Variants in GAS7 observed in about 807,000 individuals in gnomAD.
The protein encoded by GAS7 is growth arrest specific 7.
A neutral mutation model predicts 71.1 loss-of-function variants in GAS7; 28 were observed. The ratio of observed to expected loss-of-function variants is 0.39; its 90% CI spans 0.29 to 0.54. The LOEUF is 0.54. Ranked by LOEUF, GAS7 falls within the 20% of genes least tolerant of loss-of-function variation. The probability of loss-of-function intolerance (pLI) is 0.62; values close to 1 mark genes in which losing one functional copy is unlikely to be tolerated. For missense variants in GAS7, 436 were observed against 627.8 expected, an observed-to-expected ratio of 0.69 and a Z score of 3.27; for synonymous variants, 258 against 245.8, an observed-to-expected ratio of 1.05 and a Z score of -0.46.
intron 3 of GAS7, among the ~76,000 whole-genome samples, chr17:9,977,118 A>C (rs1215400530): frequency 6.6e-6 from 1 of 152,240 alleles, no homozygotes; most frequent in Non-Finnish European, 1.5e-5. Flanking sequence ...GTCAACCGGG[A>C]GAACTGAGTA....
At chr17:10,065,953 A>G (rs1039382849) in intron 1 of GAS7, among the ~76,000 whole-genome samples, 3 of 152,206 alleles carry the variant, frequency 2.0e-5, no homozygotes, top group African/African-American at 7.2e-5. Context: ...AGGGAGGTTC[A>G]GCAGGATTGG....
chr17:9,983,629 A>G (rs1172152372), intron 2 of GAS7, among the ~76,000 whole-genome samples: 1 of 152,052 alleles, frequency 6.6e-6, no homozygotes, highest in Non-Finnish European at 1.5e-5. Flanking sequence ...TCCACTAAAA[A>G]TAACAAAAAT....
At chr17:9,929,701 T>C (rs921066925) in intron 9 of GAS7, among the ~76,000 whole-genome samples, 170 of 152,148 alleles carry the variant, frequency 1.1e-3, no homozygotes, top group African/African-American at 3.9e-3. Flanking sequence ...ATGGTCTTGA[T>C]CTCCTGACCT....
chr17:10,196,763 C>A (rs1398488893), intron 1 of GAS7, among the ~76,000 whole-genome samples: 1 of 152,174 alleles, frequency 6.6e-6, no homozygotes, highest in Non-Finnish European at 1.5e-5. Context: ...TCCCAAAATA[C>A]GTATCTATCC....
At chr17:10,005,093 G>GCATA (rs566124717) in intron 2 of GAS7, among the ~76,000 whole-genome samples, 1 of 151,026 alleles carries the variant, frequency 6.6e-6, no homozygotes, top group Non-Finnish European at 1.5e-5. Flanking sequence ...GTGTGTGCAC[G>GCATA]CATACATGCA....
intron 2 of GAS7, among the ~76,000 whole-genome samples, chr17:9,984,174 C>T (rs777589258): frequency 1.3e-5 from 2 of 152,158 alleles, no homozygotes; most frequent in Non-Finnish European, 2.9e-5. Flanking sequence ...AAACTGGGTT[C>T]TTGACTCAAC....
intron 1 of GAS7, among the ~76,000 whole-genome samples, chr17:10,029,212 C>T (rs562585750): frequency 4.6e-5 from 7 of 152,334 alleles, no homozygotes; most frequent in South Asian, 2.1e-4. Context: ...AAGACATCTC[C>T]GGTGCATGAT....
rs112841978 is a variant in GAS7 at position 10,127,699 on chromosome 17, G to T, written c.183+70509C>A. ...CTCTGATGGAAAGCAGGGGCAGAAG[G>T]CCCCCTCCAAGGTGTGAACCGACCC... On this transcript the variant is annotated intron_variant, in intron 1 of 13. Transcript: ENST00000432992. Among the ~76,000 whole-genome samples, 10 of 152,288 alleles carry T rather than the reference G, an allele frequency of 6.6e-5. 1 individual carries two copies. Among genetic ancestry groups the T allele is most frequent in the African/African-American group, 2.2e-4 (9 of 41,564 alleles).
In GAS7 at chr17:9,982,862, A is replaced by C. The variant is rs550708902; in HGVS notation, c.305-978T>G. Among the ~76,000 whole-genome samples the C allele has an allele frequency of 8.8e-4, 126 of 143,706 alleles. 1 individual carries two copies. The highest frequency in any genetic ancestry group is 4.0e-3 in the Admixed American group (58 of 14,596). The allele number at this position is 143,706 out of a possible 152,430, so 94.3% of individuals were successfully genotyped here. A position where few individuals can be genotyped will look rare whatever the true frequency, so the allele number is the denominator to read the frequency against. On this transcript the variant is annotated intron_variant, in intron 2 of 13. Coordinates refer to ENST00000432992, the MANE Select transcript of GAS7 (RefSeq NM_201433.2). ...GAAAGAAAGAAAGAAAGAAAGAAAG[A>C]AAGAAAGCAAAGAAAGCAAAGAAAG...
At chr17:10,032,700 G>A (rs1480028413) in intron 1 of GAS7, among the ~76,000 whole-genome samples, 1 of 152,196 alleles carries the variant, frequency 6.6e-6, no homozygotes, top group Non-Finnish European at 1.5e-5. Flanking sequence ...GACGACAGAG[G>A]CCTGACAAGA....
At chr17:10,021,424 C>CGA (rs1411843023) in intron 1 of GAS7, among the ~76,000 whole-genome samples, 1 of 152,346 alleles carries the variant, frequency 6.6e-6, no homozygotes, top group Admixed American at 6.5e-5. Flanking sequence ...TTGGAGGGAA[C>CGA]GAGTAAATCT....
At chr17:9,951,392 T>C (rs1260487075) in intron 5 of GAS7, among the ~76,000 whole-genome samples, 1 of 152,226 alleles carries the variant, frequency 6.6e-6, no homozygotes, top group East Asian at 1.9e-4. Flanking sequence ...CTCTCCCCTT[T>C]CCATCGTCTT....
At position 9,914,012 on chromosome 17, in the gene GAS7, T is replaced by C; in HGVS notation, c.*3216A>G. 4.3e-6 allele frequency: 1 copy of C among 230,792 alleles called. No homozygotes were observed. Among genetic ancestry groups the C allele is most frequent in the Non-Finnish European group, 8.6e-6 (1 of 116,570 alleles). 14.3% of individuals were successfully genotyped at this position (230,792 alleles called of 1,614,324 possible). On this transcript the variant is annotated 3_prime_UTR_variant, in exon 14 of 14. Coordinates refer to ENST00000432992, the MANE Select transcript of GAS7 (RefSeq NM_201433.2). ...AAGTCCTCACCTAAGCACCAAGACA[T>C]AAAACAAAACAACAACCCGGATAGC... is the stretch of plus-strand genomic sequence containing the variant.
At chr17:10,027,248 A>G (rs574212099) in intron 1 of GAS7, 1 of 152,152 alleles carries the variant, frequency 6.6e-6, no homozygotes, top group Non-Finnish European at 1.5e-5. Context: ...GAATGAATGA[A>G]TGAATGAATG....
At chr17:10,143,303 G>A (rs1037963420) in intron 1 of GAS7, among the ~76,000 whole-genome samples, 9 of 151,994 alleles carry the variant, frequency 5.9e-5, no homozygotes, top group African/African-American at 2.2e-4. Flanking sequence ...CACTTTGGGA[G>A]GCAGAGGTGG....
At chr17:10,107,040 G>A (rs927805252) in intron 1 of GAS7, among the ~76,000 whole-genome samples, 3 of 152,192 alleles carry the variant, frequency 2.0e-5, no homozygotes, top group African/African-American at 7.2e-5. Context: ...AGGCGCCAAG[G>A]AAGGAGTTCA....
At chr17:10,175,954 G>A (rs2074371484) in intron 1 of GAS7, among the ~76,000 whole-genome samples, 1 of 152,164 alleles carries the variant, frequency 6.6e-6, no homozygotes, top group Non-Finnish European at 1.5e-5. Context: ...GTCCCCTGGG[G>A]CCCCTCACTG....
At chr17:9,955,063 G>T (rs1449004327) in intron 5 of GAS7, among the ~76,000 whole-genome samples, 3 of 151,832 alleles carry the variant, frequency 2.0e-5, no homozygotes, top group African/African-American at 7.3e-5. Context: ...GGCAGAGCAG[G>T]GTCCAGAACC....
intron 4 of GAS7, among the ~76,000 whole-genome samples, chr17:9,965,106 G>A (rs1192459000): frequency 3.9e-5 from 6 of 152,188 alleles, no homozygotes; most frequent in Admixed American, 6.5e-5. Flanking sequence ...ATTCTGCAAA[G>A]GCAGCAAGAC....
Sources: allele counts gnomAD v4.1 joint callset (sites outside exome capture counted in the v4.1 genomes callset), GRCh38; gene constraint gnomAD v4.1.1; transcripts MANE v1.5; gene names NCBI Gene and HGNC (gene_info 2026-07-23, HGNC 2026-07-21).